NFYC: variants seen among roughly 807,000 people sequenced by gnomAD.
NFYC encodes CAAT box DNA-binding protein subunit C.
Under a neutral mutation model 53.1 loss-of-function variants are expected in NFYC, and 25 were observed. The observed-to-expected ratio is 0.47, with a 90% CI of 0.34 to 0.66. NFYC has a LOEUF of 0.66. Ranked by LOEUF, NFYC falls within the 30% of genes least tolerant of loss-of-function variation. NFYC has a pLI of 0.01. For synonymous variants in NFYC, 145 were observed against 152.6 expected (o/e 0.95, Z 0.37); for missense variants, 260 against 422.7 (o/e 0.62, Z 3.38).
At chr1:40,707,656 A>G (rs1424846776) in intron 1 of NFYC, among the ~76,000 whole-genome samples, 1 of 147,832 alleles carries the variant, frequency 6.8e-6, no homozygotes, top group East Asian at 1.9e-4. Flanking sequence ...TAAAAAAAGA[A>G]AAAAAAAAAA....
chr1:40,757,496 T>C (rs1187894934), intron 5 of NFYC: 5 of 388,352 alleles, frequency 1.3e-5, no homozygotes, highest in African/African-American at 1.0e-4. Context: ...TGCGCTTCTG[T>C]GGCTAAGTAC....
At chr1:40,706,957 G>A (rs1437486675) in intron 1 of NFYC, among the ~76,000 whole-genome samples, 1 of 151,886 alleles carries the variant, frequency 6.6e-6, no homozygotes, top group Non-Finnish European at 1.5e-5. Flanking sequence ...GTTTTCTGAG[G>A]TCAGGAGTTT....
At chr1:40,723,613 A>G (rs1183641893) in intron 1 of NFYC, 1 of 152,118 alleles carries the variant, frequency 6.6e-6, no homozygotes, top group Non-Finnish European at 1.5e-5. Flanking sequence ...TAAATAAAAC[A>G]CCTAACAGTG....
intron 1 of NFYC, among the ~76,000 whole-genome samples, chr1:40,731,933 T>C (rs1360951473): frequency 1.3e-5 from 2 of 152,382 alleles, no homozygotes; most frequent in Non-Finnish European, 2.9e-5. Context: ...CTCTTATTTA[T>C]GTCAATTAGC....
At chr1:40,766,909 G>T in intron 8 of NFYC, 4 of 1,552,110 alleles carry the variant, frequency 2.6e-6, no homozygotes, top group African/African-American at 1.4e-5. Flanking sequence ...TTACCATCTT[G>T]TTCTCAAGGG....
chr1:40,759,371 C>CCAGAACAT (rs896183811), intron 6 of NFYC, among the ~76,000 whole-genome samples: 1 of 151,894 alleles, frequency 6.6e-6, no homozygotes, highest in Non-Finnish European at 1.5e-5. Context: ...CTTGTCTCCA[C>CCAGAACAT]CAGAACATCA....
chr1:40,758,291 C>T lies in NFYC; in HGVS notation c.558C>T (p.Gly186=), dbSNP rs748236482. ...TCATCATCGCACAGCCTCAGCAGGG[C>T]CAGGTCTGTGAGCTGCTGAGGATGC... ...GQIIIAQPQQ[G]QTTPVTMQVG... Residue 186 remains glycine, a synonymous_variant, in exon 6 of 10, where the codon GGC becomes GGT. Transcript: ENST00000447388. The T allele has an allele frequency of 6.2e-6, 10 of 1,607,434 alleles. No individual in the cohort carries two copies. The highest frequency in any genetic ancestry group is 8.5e-6 in the Non-Finnish European group (10 of 1,176,012).
chr1:40,732,377 C>T (rs916014269), intron 1 of NFYC, among the ~76,000 whole-genome samples: 4 of 152,234 alleles, frequency 2.6e-5, no homozygotes, highest in African/African-American at 9.6e-5. Context: ...CCAGGCATAT[C>T]ACTAAGAGAA....
chr1:40,693,855 A>G (rs1429639672), intron 1 of NFYC, among the ~76,000 whole-genome samples: 2 of 152,258 alleles, frequency 1.3e-5, no homozygotes, highest in East Asian at 1.9e-4. Context: ...ATGGAAGACT[A>G]TAATTCTTAA....
intron 1 of NFYC, among the ~76,000 whole-genome samples, chr1:40,714,401 T>C (rs914550980): frequency 3.3e-5 from 5 of 152,216 alleles, no homozygotes; most frequent in Admixed American, 6.5e-5. Context: ...TTCTTTATAT[T>C]CTTTGATAGA....
chr1:40,765,904 G>A (rs1216744809), intron 7 of NFYC, among the ~76,000 whole-genome samples: 1 of 152,230 alleles, frequency 6.6e-6, no homozygotes, highest in African/African-American at 2.4e-5. Flanking sequence ...TTAATCGTAA[G>A]CATGAGAGAC....
At chr1:40,722,590 G>A (rs1397845440) in intron 1 of NFYC, among the ~76,000 whole-genome samples, 1 of 152,230 alleles carries the variant, frequency 6.6e-6, no homozygotes, top group Non-Finnish European at 1.5e-5. Context: ...AGGCAGCCAT[G>A]ATGATATGAT....
At position 40,691,855 on chromosome 1, in the gene NFYC, C is replaced by G. The variant is rs1442491594; in HGVS notation, c.-21C>G. ...GGGGGCGGCTCCTGCTCTTCCTGGA[C>G]TCCTGAGCAGAGGTGTGTGAGTGTG... On this transcript the variant is annotated 5_prime_UTR_variant, in exon 1 of 10. Coordinates refer to ENST00000447388, the MANE Select transcript of NFYC (RefSeq NM_014223.5). 4.6e-6 allele frequency: 2 copies of G among 430,388 alleles called. No individual in the cohort carries two copies. The highest frequency in any genetic ancestry group is 8.3e-5 in the East Asian group (1 of 12,112). The allele number at this position is 430,388 out of a possible 1,614,324, so 26.7% of individuals were successfully genotyped here. A position where few individuals can be genotyped will look rare whatever the true frequency, so the allele number is the denominator to read the frequency against.
chr1:40,763,676 T>A (rs1418501877), intron 7 of NFYC, among the ~76,000 whole-genome samples: 3 of 152,138 alleles, frequency 2.0e-5, no homozygotes, highest in African/African-American at 7.2e-5. Context: ...TATGCGTGTG[T>A]GTGTTTGTTT....
At chr1:40,712,035 A>G (rs1006547474) in intron 1 of NFYC, among the ~76,000 whole-genome samples, 1 of 152,250 alleles carries the variant, frequency 6.6e-6, no homozygotes, top group Non-Finnish European at 1.5e-5. Context: ...GAATGAGATC[A>G]TGTGTGTCAA....
chr1:40,759,559 A>ATGTG (rs145020339), intron 6 of NFYC, among the ~76,000 whole-genome samples: 33,526 of 149,192 alleles, frequency 0.22, 4,213 homozygotes, highest in South Asian at 0.42. Context: ...AAAAAAGTAT[A>ATGTG]TGTGTGTGTG....
intron 1 of NFYC, among the ~76,000 whole-genome samples, chr1:40,727,612 C>T (rs1237967062): frequency 6.6e-6 from 1 of 151,150 alleles, no homozygotes; most frequent in Non-Finnish European, 1.5e-5. Flanking sequence ...CTCACTGCAA[C>T]CTCCGCCTCC....
At chr1:40,741,810 C>T (rs903141776) in intron 2 of NFYC, among the ~76,000 whole-genome samples, 6 of 152,036 alleles carry the variant, frequency 3.9e-5, no homozygotes, top group Admixed American at 3.3e-4. Context: ...CACCATGTTA[C>T]CCTGGCTGGT....
intron 1 of NFYC, among the ~76,000 whole-genome samples, chr1:40,727,391 T>C (rs1557794022): frequency 6.6e-6 from 1 of 151,774 alleles, no homozygotes; most frequent in Non-Finnish European, 1.5e-5. Flanking sequence ...AACCAGCTAA[T>C]TTTTGTATTT....
Sources: allele counts gnomAD v4.1 joint callset (sites outside exome capture counted in the v4.1 genomes callset), GRCh38; gene constraint gnomAD v4.1.1; transcripts MANE v1.5; gene names NCBI Gene and HGNC (gene_info 2026-07-23, HGNC 2026-07-21).